The following MTF2 variants were observed in gnomAD, a reference collection of about 807,000 sequenced individuals.
MTF2 encodes the protein metal-response element-binding transcription factor 2.
A neutral mutation model predicts 79.5 loss-of-function variants in MTF2; 11 were observed. The observed-to-expected ratio is 0.14, with a 90% CI of 0.09 to 0.23. The LOEUF (loss-of-function observed/expected upper bound fraction) is 0.23, where lower values mean the gene tolerates loss of function less well. Ranked by LOEUF, MTF2 falls within the 10% of genes least tolerant of loss-of-function variation. The pLI is 1.00. For missense variants in MTF2, 486 were observed against 711.2 expected, an observed-to-expected ratio of 0.68 and a Z score of 3.60; for synonymous variants, 208 against 232.8, an observed-to-expected ratio of 0.89 and a Z score of 0.97.
chr1:93,121,072 C>G, intron 9 of MTF2: 2 of 977,096 alleles, frequency 2.0e-6, no homozygotes, highest in Non-Finnish European at 2.4e-6. Flanking sequence ...GTTGGTACTC[C>G]TTTATATATT....
In MTF2 at chr1:93,079,421, TG is replaced by T; in HGVS notation, c.-102del. ...GCGTGCATATGTGCCGGGTACCCGG[TG>T]GGGCGGGTGCCCAGTAAGTGCTCGG... On this transcript the variant is annotated 5_prime_UTR_variant, in exon 1 of 15. It removes the in-frame stop codon of an upstream open reading frame in the 5' UTR. Coordinates refer to ENST00000370298, the MANE Select transcript of MTF2 (RefSeq NM_007358.4). 2 of 1,407,742 alleles carry T rather than the reference TG, an allele frequency of 1.4e-6. No individual in the cohort carries two copies. The highest frequency in any genetic ancestry group is 2.0e-6 in the Non-Finnish European group (2 of 996,722). 87.2% of individuals were successfully genotyped at this position (1,407,742 alleles called of 1,614,324 possible). A position where few individuals can be genotyped will look rare whatever the true frequency, so the allele number is the denominator to read the frequency against.
intron 1 of MTF2, among the ~76,000 whole-genome samples, chr1:93,087,760 T>C (rs558096144): frequency 1.3e-5 from 2 of 152,320 alleles, no homozygotes; most frequent in South Asian, 4.1e-4. Context: ...AGAATAACTT[T>C]GTCTCAGAAA....
At chr1:93,083,077 C>T (rs1208000517) in intron 1 of MTF2, among the ~76,000 whole-genome samples, 1 of 152,192 alleles carries the variant, frequency 6.6e-6, no homozygotes, top group Non-Finnish European at 1.5e-5. Context: ...TTTTGATCGG[C>T]TTACGGTTCC....
chr1:93,131,505 A>G (rs1033432213), intron 11 of MTF2, among the ~76,000 whole-genome samples: 1 of 152,140 alleles, frequency 6.6e-6, no homozygotes, highest in African/African-American at 2.4e-5. Context: ...GGACACAGGC[A>G]GATTCAAAAT....
chr1:93,089,436 TTA>T, intron 1 of MTF2, among the ~76,000 whole-genome samples: 1 of 152,202 alleles, frequency 6.6e-6, no homozygotes, highest in East Asian at 1.9e-4. Context: ...TTGAAAAGTT[TTA>T]GAGTTCCAGT....
intron 11 of MTF2, among the ~76,000 whole-genome samples, chr1:93,130,673 G>A (rs1656881811): frequency 6.6e-6 from 1 of 152,224 alleles, no homozygotes; most frequent in Non-Finnish European, 1.5e-5. Context: ...TTGTCTAGGT[G>A]AGAGATAGAT....
intron 1 of MTF2, among the ~76,000 whole-genome samples, chr1:93,095,054 C>G (rs1202326698): frequency 6.6e-6 from 1 of 152,078 alleles, no homozygotes. Context: ...CTCTGTTACC[C>G]AGGCTGGAAT....
chr1:93,121,550 C>G (rs546187466), intron 9 of MTF2: 416 of 981,166 alleles, frequency 4.2e-4, no homozygotes, highest in Non-Finnish European at 4.8e-4. Flanking sequence ...TATTTCATAT[C>G]AAATAGGATA....
intron 9 of MTF2, 193 bp downstream of exon 9, chr1:93,120,865 G>A: frequency 7.8e-7 from 1 of 1,278,788 alleles, no homozygotes; most frequent in Admixed American, 4.5e-5. Flanking sequence ...TTTGTTGCCT[G>A]TTGACTCTGG....
rs71586777 is a variant in MTF2, at chr1:93,101,366, C to CTTT, written c.6-8840_6-8838dup. 8.3e-5 allele frequency among the ~76,000 whole-genome samples: 9 copies of CTTT among 108,620 alleles called. 1 individual carries two copies. Among genetic ancestry groups the CTTT allele is most frequent in the Admixed American group, 2.9e-4 (3 of 10,222 alleles). 71.3% of individuals were successfully genotyped at this position (108,620 alleles called of 152,430 possible). ...ATGTAACAAAATTTACTATCTTAAC[C>CTTT]TTTTTTTTTTTTTTTTTTTTTTTTT... is the stretch of plus-strand genomic sequence containing the variant. On this transcript the variant is annotated intron_variant, in intron 1 of 14. Coordinates refer to ENST00000370298, the MANE Select transcript of MTF2 (RefSeq NM_007358.4).
rs187076091 is a variant in MTF2, at chr1:93,106,810, C to T, written c.6-3420C>T. On this transcript the variant is annotated intron_variant, in intron 1 of 14. Transcript: ENST00000370298. ...TGTTGGGATTACAGGCGTGAGCCAC[C>T]GCATCCTGCCCCTTAAAGCTTTTTT... 5.9e-5 allele frequency among the ~76,000 whole-genome samples: 9 copies of T among 152,246 alleles called. No individual in the cohort carries two copies. The South Asian group carries it at 8.3e-4, about 14-fold the overall frequency.
intron 9 of MTF2, 21 bp downstream of exon 9, chr1:93,120,693 CT>C (rs747935028): frequency 6.7e-5 from 107 of 1,599,472 alleles, no homozygotes; most frequent in South Asian, 4.4e-4. Flanking sequence ...TGAGAACTAA[CT>C]TCAGTAGCTA....
At chr1:93,080,566 GTAAT>G (rs1654563495) in intron 1 of MTF2, among the ~76,000 whole-genome samples, 1 of 152,198 alleles carries the variant, frequency 6.6e-6, no homozygotes, top group African/African-American at 2.4e-5. Context: ...AGGCCTGTGT[GTAAT>G]ACATAGGAAG....
intron 1 of MTF2, among the ~76,000 whole-genome samples, chr1:93,103,059 G>A (rs992066229): frequency 7.2e-5 from 11 of 151,956 alleles, no homozygotes; most frequent in Non-Finnish European, 1.5e-4. Flanking sequence ...TTGAACCCGG[G>A]AGGCAGAGGT....
Position 93,127,285 on chromosome 1 carries a change from T to C in MTF2, c.975T>C (p.Asn325=). 1 of 1,608,778 alleles carries C rather than the reference T, an allele frequency of 6.2e-7. No homozygotes were observed. The highest frequency in any genetic ancestry group is 8.5e-7 in the Non-Finnish European group (1 of 1,175,294). Residue 325 remains asparagine (N), a synonymous_variant, in exon 10 of 15, where the codon AAT becomes AAC. Coordinates refer to ENST00000370298, the MANE Select transcript of MTF2 (RefSeq NM_007358.4). The part of the protein sequence containing the change: ...ERYEHVLEAL[N]DYKTMFMSGK... ...ATGAGCATGTTCTGGAGGCATTAAA[T>C]GATTACAAGACCATGTAAGTTGATT...
chr1:93,126,811 C>T (rs1656716090), intron 9 of MTF2, among the ~76,000 whole-genome samples: 2 of 151,884 alleles, frequency 1.3e-5, no homozygotes, highest in South Asian at 4.2e-4. Context: ...TTTCTTACTA[C>T]TTTTTGTACT....
intron 1 of MTF2, among the ~76,000 whole-genome samples, chr1:93,086,476 G>A (rs1435912393): frequency 7.1e-6 from 1 of 139,964 alleles, no homozygotes; most frequent in Non-Finnish European, 1.5e-5. Flanking sequence ...TCCATCCTGG[G>A]TGACAGAGCG....
intron 1 of MTF2, among the ~76,000 whole-genome samples, chr1:93,089,751 G>A (rs1654993310): frequency 6.6e-6 from 1 of 151,898 alleles, no homozygotes; most frequent in Non-Finnish European, 1.5e-5. Flanking sequence ...TTGTGTCTGT[G>A]TATGGGGATC....
At chr1:93,110,804 C>A (rs530253155) in intron 3 of MTF2, among the ~76,000 whole-genome samples, 178 bp downstream of exon 3, 24 of 152,280 alleles carry the variant, frequency 1.6e-4, no homozygotes, top group South Asian at 8.3e-4. Flanking sequence ...AACAAGAATA[C>A]TCTAGAGGAC....
Sources: allele counts gnomAD v4.1 joint callset (sites outside exome capture counted in the v4.1 genomes callset), GRCh38; gene constraint gnomAD v4.1.1; transcripts MANE v1.5; gene names NCBI Gene and HGNC (gene_info 2026-07-23, HGNC 2026-07-21).